The following COL27A1 variants were observed in gnomAD, a reference collection of about 807,000 sequenced individuals.
COL27A1 encodes collagen alpha-1(XXVII) chain.
Under a neutral mutation model 251.3 loss-of-function variants are expected in COL27A1, and 106 were observed. That is an observed-to-expected ratio of 0.42 (90% CI 0.36 to 0.50). The LOEUF is 0.50. COL27A1 is among the 20% of genes least tolerant of loss of function. The probability of loss-of-function intolerance (pLI) is 0.00; values close to 1 mark genes in which losing one functional copy is unlikely to be tolerated. For synonymous variants in COL27A1, 1,000 were observed against 986.3 expected, an observed-to-expected ratio of 1.01 and a Z score of -0.26; for missense variants, 2,325 against 2,522.8, an observed-to-expected ratio of 0.92 and a Z score of 1.68.
At chr9:114,265,238 T>A in intron 31 of COL27A1, 128 bp downstream of exon 31, 1 of 1,150,400 alleles carries the variant, frequency 8.7e-7, no homozygotes, top group Non-Finnish European at 1.3e-6. Context: ...CAGGTTCTGG[T>A]TGCCCACCTG....
chr9:114,288,467 G>A lies in COL27A1; in HGVS notation c.4000G>A (p.Glu1334Lys), dbSNP rs777108972. The change falls in exon 42 of 61, where the codon GAG becomes AAG. Residue 1334 changes from glutamate (E) to lysine (K), a missense_variant. Transcript: ENST00000356083. ...GPKGEKGEQG[E>K]DGKAEGPPGP... ...TCTGTGTCCACAGGGGGAGCAGGGC[G>A]AGGACGGCAAGGCTGAGGGGCCCCC... The A allele has an allele frequency of 1.9e-5, 30 of 1,610,192 alleles. No individual in the cohort carries two copies. Among genetic ancestry groups the A allele is most frequent in the East Asian group, 6.7e-5 (3 of 44,806 alleles).
At chr9:114,156,089 A>G in intron 1 of COL27A1, 77 bp downstream of exon 1, 2 of 1,286,934 alleles carry the variant, frequency 1.6e-6, no homozygotes, top group Non-Finnish European at 2.0e-6. Flanking sequence ...GTTCCCCGCC[A>G]TGCGGTCGCT....
intron 19 of COL27A1, among the ~76,000 whole-genome samples, chr9:114,238,431 C>G (rs1832542153): frequency 6.6e-6 from 1 of 152,184 alleles, no homozygotes; most frequent in African/African-American, 2.4e-5. Flanking sequence ...CATTGGCACC[C>G]AGGCCAACCT....
chr9:114,201,255 C>A (rs765637421), intron 7 of COL27A1, among the ~76,000 whole-genome samples: 1 of 152,238 alleles, frequency 6.6e-6, no homozygotes, highest in Non-Finnish European at 1.5e-5. Flanking sequence ...AGTCAGGCAC[C>A]GATCGCAAAC....
chr9:114,279,798 A>G (rs1835792999), intron 37 of COL27A1, among the ~76,000 whole-genome samples: 3 of 152,100 alleles, frequency 2.0e-5, no homozygotes, highest in Non-Finnish European at 4.4e-5. Context: ...GGCTTCAGTG[A>G]GCTGAGATTG....
intron 5 of COL27A1, among the ~76,000 whole-genome samples, chr9:114,187,091 G>T (rs1828404566): frequency 6.6e-6 from 1 of 152,234 alleles, no homozygotes; most frequent in African/African-American, 2.4e-5. Context: ...AGGAGATGTG[G>T]TCAGCAGAGG....
At chr9:114,212,956 C>T (rs534794048) in intron 12 of COL27A1, among the ~76,000 whole-genome samples, 1 of 152,316 alleles carries the variant, frequency 6.6e-6, no homozygotes, top group African/African-American at 2.4e-5. Flanking sequence ...ACACTCAGGC[C>T]AGCCTCCAGG....
chr9:114,276,215 C>G (rs1351666941), intron 37 of COL27A1, among the ~76,000 whole-genome samples: 1 of 152,246 alleles, frequency 6.6e-6, no homozygotes, highest in Non-Finnish European at 1.5e-5. Context: ...TTCCTGCCCC[C>G]AGGCTGGGCC....
chr9:114,237,787 C>T, intron 19 of COL27A1, 72 bp downstream of exon 19: 1 of 1,288,058 alleles, frequency 7.8e-7, no homozygotes, highest in Non-Finnish European at 1.1e-6. Context: ...AACTGAGGCC[C>T]AGGGATGGGG....
intron 27 of COL27A1, among the ~76,000 whole-genome samples, chr9:114,255,802 C>T (rs1833881170): frequency 6.6e-6 from 1 of 152,170 alleles, no homozygotes; most frequent in Non-Finnish European, 1.5e-5. Flanking sequence ...CCGGCTAGCT[C>T]GGAGGCCCAG....
At chr9:114,162,657 A>T (rs1848579531) in intron 1 of COL27A1, 58 bp from the exon 2 acceptor site, 1 of 1,294,966 alleles carries the variant, frequency 7.7e-7, no homozygotes, top group African/African-American at 1.5e-5. Flanking sequence ...CCCCAGCCGG[A>T]TCCGGGTGTG....
intron 1 of COL27A1, among the ~76,000 whole-genome samples, chr9:114,159,337 G>T (rs1848336243): frequency 6.6e-6 from 1 of 152,176 alleles, no homozygotes; most frequent in South Asian, 2.1e-4. Flanking sequence ...TGACCGAGAA[G>T]GACATGTGTC....
chr9:114,195,468 G>GATGACA lies in COL27A1; in HGVS notation c.2071-491_2071-490insATGACA, dbSNP rs1268496317. Among the ~76,000 whole-genome samples, 6 of 152,300 alleles carry GATGACA rather than the reference G, an allele frequency of 3.9e-5. No individual in the cohort carries two copies. The East Asian group carries it at 5.8e-4, about 15-fold the overall frequency. ...TTGCTGGAGGTCATGCAGCTGATAA[G>GATGACA]TGGCAAAATGAGATCGGCACCCAGG... On this transcript the variant is annotated intron_variant, in intron 6 of 60. Transcript: ENST00000356083.
intron 2 of COL27A1, among the ~76,000 whole-genome samples, chr9:114,167,067 C>G (rs760920321): frequency 1.1e-4 from 17 of 152,156 alleles, no homozygotes; most frequent in Admixed American, 6.5e-5. Flanking sequence ...TGTCAGACCC[C>G]TAGGACATCT....
intron 1 of COL27A1, among the ~76,000 whole-genome samples, chr9:114,160,885 A>G (rs1402551727): frequency 6.6e-6 from 1 of 152,200 alleles, no homozygotes; most frequent in South Asian, 2.1e-4. Flanking sequence ...TAGTGTCTAC[A>G]TGATGGGAGT....
In COL27A1 at chr9:114,168,487, A is replaced by G. The variant is rs374532154; in HGVS notation, c.932A>G (p.His311Arg). ...QRTSPTNPHQ[H>R]MAVGGPAQTP... ...ACTAGCCCCACAAACCCTCACCAGC[A>G]TATGGCGGTGGGAGGCCCAGCCCAA... Residue 311 changes from histidine (H) to arginine (R), a missense_variant, in exon 3 of 61, where the codon CAT becomes CGT. Physicochemically the swap from His to Arg is conservative, Grantham distance 29. Around this residue, in one of 4 missense-constraint regions of COL27A1, gnomAD observed 1,183 missense variants for 1,144.1 expected, o/e 1.03. Transcript: ENST00000356083. 148 of 1,613,808 alleles carry G rather than the reference A, an allele frequency of 9.2e-5. 1 individual carries two copies. The highest frequency in any genetic ancestry group is 1.6e-4 in the Middle Eastern group (1 of 6,084).
intron 7 of COL27A1, among the ~76,000 whole-genome samples, chr9:114,196,216 C>T (rs1233891049): frequency 6.6e-6 from 1 of 152,212 alleles, no homozygotes; most frequent in African/African-American, 2.4e-5. Flanking sequence ...GTAGTAGGTG[C>T]CTCCCACCAC....
intron 23 of COL27A1, 118 bp from the exon 24 acceptor site, chr9:114,245,746 GAT>G: frequency 1.1e-6 from 1 of 928,808 alleles, no homozygotes; most frequent in Non-Finnish European, 1.8e-6. Flanking sequence ...ACACACTGGA[GAT>G]AAGATCCCTG....
chr9:114,247,568 T>G (rs1210641694), intron 24 of COL27A1, among the ~76,000 whole-genome samples: 14 of 152,106 alleles, frequency 9.2e-5, no homozygotes, highest in African/African-American at 2.4e-5. Flanking sequence ...AGTGGGATAG[T>G]GGTAGAACTA....
Sources: gnomAD v4.1 joint callset for allele counts (sites outside exome capture counted in the v4.1 genomes callset) on GRCh38, gnomAD v4.1.1 for gene constraint, gnomAD v4.1.1 regional missense constraint, MANE v1.5 for transcripts, NCBI Gene and HGNC (gene_info 2026-07-23, HGNC 2026-07-21) for gene names.